ACMSD: variants seen among roughly 807,000 people sequenced by gnomAD.
ACMSD encodes aminocarboxymuconate semialdehyde decarboxylase, also known as 2-amino-3-carboxymuconate-6-semialdehyde decarboxylase.
Under a neutral mutation model 45.9 loss-of-function variants are expected in ACMSD, and 37 were observed. That is an observed-to-expected ratio of 0.81 (90% CI 0.62 to 1.06). The LOEUF is 1.06. Among genes scored for constraint, ACMSD ranks in the 50% least tolerant of loss-of-function variants. ACMSD has a pLI of 0.00. For synonymous variants in ACMSD, 138 were observed against 148.8 expected, an observed-to-expected ratio of 0.93 and a Z score of 0.53; for missense variants, 434 against 420.9, an observed-to-expected ratio of 1.03 and a Z score of -0.27.
intron 2 of ACMSD, among the ~76,000 whole-genome samples, chr2:134,852,377 A>AGAGAGGATGAGGGTGTGGAACAAT (rs1252986387): frequency 6.6e-6 from 1 of 152,132 alleles, no homozygotes; most frequent in Non-Finnish European, 1.5e-5. Flanking sequence ...TCATTCAGGG[A>AGAGAGGATGAGGGTGTGGAACAAT]GAGAGGATGA....
At chr2:134,885,253 TATA>T (rs1299305449) in intron 8 of ACMSD, among the ~76,000 whole-genome samples, 19 of 107,698 alleles carry the variant, frequency 1.8e-4, no homozygotes, top group Admixed American at 1.2e-3. Flanking sequence ...TATATTTATA[TATA>T]ATATATATAT....
At chr2:134,853,231 A>G (rs187320656) in intron 2 of ACMSD, among the ~76,000 whole-genome samples, 1 of 151,866 alleles carries the variant, frequency 6.6e-6, no homozygotes, top group East Asian at 1.9e-4. Context: ...GCAGTATCAG[A>G]TATTTGAAAT....
intron 6 of ACMSD, among the ~76,000 whole-genome samples, chr2:134,870,340 C>T (rs1056209428): frequency 4.6e-5 from 7 of 152,156 alleles, no homozygotes; most frequent in Admixed American, 3.3e-4. Context: ...GCAGGAATGA[C>T]CATAATGATA....
At chr2:134,886,616 T>C (rs1338461505) in intron 8 of ACMSD, among the ~76,000 whole-genome samples, 1 of 151,880 alleles carries the variant, frequency 6.6e-6, no homozygotes, top group East Asian at 1.9e-4. Flanking sequence ...CTGATAGAGA[T>C]TGTCATAAAA....
intron 8 of ACMSD, among the ~76,000 whole-genome samples, chr2:134,891,516 C>A (rs1219464102): frequency 1.3e-5 from 2 of 151,968 alleles, no homozygotes; most frequent in African/African-American, 4.8e-5. Context: ...CTGAGAAATG[C>A]AAATTAAAAC....
At chr2:134,886,246 A>ATTATTATTATTATTTTTTTTTTTTTTTTT in intron 8 of ACMSD, among the ~76,000 whole-genome samples, 26 of 115,468 alleles carry the variant, frequency 2.3e-4, no homozygotes, top group African/African-American at 7.2e-4. Context: ...TATTATTATT[A>ATTATTATTATTATTTTTTTTTTTTTTTTT]TTTTTTTTTT....
At chr2:134,839,207 T>G (rs1054774189) in intron 1 of ACMSD, among the ~76,000 whole-genome samples, 1 of 152,222 alleles carries the variant, frequency 6.6e-6, no homozygotes, top group African/African-American at 2.4e-5. Context: ...CTTTGTGAAT[T>G]TTTTTAGTCT....
intron 8 of ACMSD, among the ~76,000 whole-genome samples, chr2:134,881,977 GC>G (rs1365951302): frequency 1.3e-5 from 2 of 152,164 alleles, no homozygotes; most frequent in African/African-American, 2.4e-5. Context: ...AAGTAGCCAG[GC>G]GTGGTGACGG....
intron 1 of ACMSD, among the ~76,000 whole-genome samples, chr2:134,839,324 G>A (rs544688591): frequency 1.3e-5 from 2 of 152,256 alleles, no homozygotes; most frequent in South Asian, 4.2e-4. Context: ...GAGAATAAAT[G>A]ACATGAAGCT....
chr2:134,858,977 GA>G (rs1251102218), intron 2 of ACMSD, among the ~76,000 whole-genome samples: 1 of 147,422 alleles, frequency 6.8e-6, no homozygotes, highest in Non-Finnish European at 1.5e-5. Flanking sequence ...TCAGCAAGGT[GA>G]TCAGCCATTC....
chr2:134,849,798 C>T (rs1022726938), intron 2 of ACMSD, among the ~76,000 whole-genome samples: 4 of 152,102 alleles, frequency 2.6e-5, no homozygotes, highest in Non-Finnish European at 4.4e-5. Context: ...TGTATGACAA[C>T]CTGCCAGGAT....
At chr2:134,897,447 AT>A (rs1372246680) in intron 8 of ACMSD, among the ~76,000 whole-genome samples, 2 of 152,164 alleles carry the variant, frequency 1.3e-5, no homozygotes, top group African/African-American at 4.8e-5. Flanking sequence ...ATTTGGAGAT[AT>A]TCTGTAATTT....
chr2:134,860,740 C>T (rs1280262997), intron 3 of ACMSD, among the ~76,000 whole-genome samples: 2 of 150,812 alleles, frequency 1.3e-5, no homozygotes, highest in Admixed American at 6.7e-5. Flanking sequence ...AAAAATAGAG[C>T]CAGGTGTGGT....
intron 8 of ACMSD, among the ~76,000 whole-genome samples, chr2:134,889,228 T>C (rs1052494666): frequency 6.6e-6 from 1 of 152,156 alleles, no homozygotes; most frequent in African/African-American, 2.4e-5. Flanking sequence ...ATGGATATAT[T>C]GGTATAATAC....
intron 1 of ACMSD, among the ~76,000 whole-genome samples, chr2:134,839,489 A>G (rs1333996747): frequency 6.6e-6 from 1 of 152,244 alleles, no homozygotes; most frequent in Admixed American, 6.5e-5. Flanking sequence ...TTCAGGCTTA[A>G]TATCAGGTTT....
rs554790744 is a variant in ACMSD at position 134,862,998 on chromosome 2, C to A, written c.250-397C>A. 5.1e-6 allele frequency: 5 copies of A among 985,442 alleles called. No individual in the cohort carries two copies. The South Asian group carries it at 2.3e-4, about 46-fold the overall frequency. 61.0% of individuals were successfully genotyped at this position (985,442 alleles called of 1,614,324 possible). On this transcript the variant is annotated intron_variant, in intron 4 of 9. Coordinates refer to ENST00000356140, the MANE Select transcript of ACMSD (RefSeq NM_138326.3). ...CCTGGCGGCCCTCAATGGGGCATGA[C>A]AAGGAGGTGCCTTGATGGTGGCCTG...
chr2:134,888,661 A>G (rs1463418595), intron 8 of ACMSD, among the ~76,000 whole-genome samples: 1 of 152,196 alleles, frequency 6.6e-6, no homozygotes, highest in Non-Finnish European at 1.5e-5. Context: ...AACAAAACAG[A>G]AAAGAAAAAA....
At chr2:134,846,594 A>AG (rs1257600910) in intron 2 of ACMSD, among the ~76,000 whole-genome samples, 3 of 151,972 alleles carry the variant, frequency 2.0e-5, no homozygotes, top group East Asian at 1.9e-4. Context: ...TTTTTTAGAC[A>AG]GGGGGTCTCA....
chr2:134,887,469 T>C lies in ACMSD; in HGVS notation c.850-10872T>C, dbSNP rs569580030. On this transcript the variant is annotated intron_variant, in intron 8 of 9. Coordinates refer to ENST00000356140, the MANE Select transcript of ACMSD (RefSeq NM_138326.3). ...CCCAGGATGGAGTGCAGTGGCACGA[T>C]CTCGGCTCACTGCAACCTGTGCCTC... Among the ~76,000 whole-genome samples the C allele has an allele frequency of 2.6e-5, 4 of 152,308 alleles. No homozygotes were observed. The South Asian group carries it at 8.3e-4, about 32-fold the overall frequency.
Sources: gnomAD v4.1 joint callset for allele counts (sites outside exome capture counted in the v4.1 genomes callset) on GRCh38, gnomAD v4.1.1 for gene constraint, MANE v1.5 for transcripts, NCBI Gene and HGNC (gene_info 2026-07-23, HGNC 2026-07-21) for gene names.